CNTNAP2: variants seen among roughly 807,000 people sequenced by gnomAD.
The protein encoded by CNTNAP2 is contactin-associated protein-like 2.
Under a neutral mutation model 155.2 loss-of-function variants are expected in CNTNAP2, and 98 were observed. The observed-to-expected ratio is 0.63, with a 90% CI of 0.54 to 0.75. The LOEUF is 0.75. Ranked by LOEUF, CNTNAP2 falls within the 30% of genes least tolerant of loss-of-function variation. The pLI is 0.00. For synonymous variants in CNTNAP2, 651 were observed against 631.2 expected (o/e 1.03, Z -0.47); for missense variants, 1,727 against 1,688.1 (o/e 1.02, Z -0.40).
intron 1 of CNTNAP2, among the ~76,000 whole-genome samples, chr7:146,189,579 A>T (rs979560606): frequency 5.3e-5 from 8 of 152,212 alleles, no homozygotes; most frequent in South Asian, 4.1e-4. Context: ...TGCACAAAGC[A>T]GTTTAAAATT....
intron 1 of CNTNAP2, among the ~76,000 whole-genome samples, chr7:146,399,231 A>G (rs1394711349): frequency 6.6e-6 from 1 of 152,180 alleles, no homozygotes; most frequent in Non-Finnish European, 1.5e-5. Flanking sequence ...ACATTTTATT[A>G]ACTATAATTA....
chr7:147,440,708 C>T (rs939969190), intron 10 of CNTNAP2, among the ~76,000 whole-genome samples: 9 of 152,042 alleles, frequency 5.9e-5, no homozygotes, highest in Non-Finnish European at 1.2e-4. Flanking sequence ...TTCTTCTTCA[C>T]GTTCGAAGGA....
intron 1 of CNTNAP2, among the ~76,000 whole-genome samples, chr7:146,528,877 C>A (rs1314171652): frequency 6.6e-6 from 1 of 151,870 alleles, no homozygotes. Flanking sequence ...TATCACACTG[C>A]AGTTACAGAA....
intron 13 of CNTNAP2, among the ~76,000 whole-genome samples, chr7:147,792,471 A>G (rs1225215737): frequency 2.0e-5 from 3 of 151,836 alleles, no homozygotes; most frequent in East Asian, 1.9e-4. Context: ...ACTTAGCATA[A>G]TGTTTTTGAA....
At chr7:147,244,035 G>A (rs1391020782) in intron 8 of CNTNAP2, among the ~76,000 whole-genome samples, 2 of 152,132 alleles carry the variant, frequency 1.3e-5, no homozygotes, top group Non-Finnish European at 2.9e-5. Context: ...TCTGCCTGAG[G>A]TGGAGGTGGG....
At chr7:146,810,299 CTT>C (rs58947235) in intron 2 of CNTNAP2, among the ~76,000 whole-genome samples, 72 of 93,512 alleles carry the variant, frequency 7.7e-4, no homozygotes, top group African/African-American at 1.4e-3. Context: ...CTCTAGCTTT[CTT>C]TTTTTTTTTT....
intron 1 of CNTNAP2, among the ~76,000 whole-genome samples, chr7:146,471,583 G>A (rs1458978945): frequency 2.0e-5 from 3 of 152,218 alleles, no homozygotes; most frequent in Non-Finnish European, 4.4e-5. Context: ...CCAGCATAAT[G>A]AATGCCTCAC....
At chr7:146,298,520 T>C (rs115853850) in intron 1 of CNTNAP2, among the ~76,000 whole-genome samples, 4,581 of 152,254 alleles carry the variant, frequency 0.03, 107 homozygotes, top group African/African-American at 0.064. Flanking sequence ...CAAGGCAATT[T>C]TGCCTAAATT....
chr7:146,418,398 A>G (rs1196181911), intron 1 of CNTNAP2, among the ~76,000 whole-genome samples: 1 of 152,208 alleles, frequency 6.6e-6, no homozygotes, highest in Non-Finnish European at 1.5e-5. Context: ...ATTTTTAAAT[A>G]GAAAAGGTAG....
chr7:147,246,508 T>C (rs1322058284), intron 8 of CNTNAP2, among the ~76,000 whole-genome samples: 1 of 152,176 alleles, frequency 6.6e-6, no homozygotes, highest in Non-Finnish European at 1.5e-5. Context: ...GAGAGTTGTC[T>C]TTTTGCTGTG....
At chr7:147,177,298 T>C (rs1451957830) in intron 8 of CNTNAP2, among the ~76,000 whole-genome samples, 3 of 152,072 alleles carry the variant, frequency 2.0e-5, no homozygotes, top group African/African-American at 7.2e-5. Context: ...AATTAAATGA[T>C]GGGAGCGGTT....
At chr7:146,741,126 G>T (rs1222460141) in intron 1 of CNTNAP2, among the ~76,000 whole-genome samples, 1 of 152,090 alleles carries the variant, frequency 6.6e-6, no homozygotes, top group East Asian at 1.9e-4. Flanking sequence ...TGCTGCCTGG[G>T]GTTGGGAGAG....
chr7:147,913,831 T>C (rs11561916), intron 14 of CNTNAP2, among the ~76,000 whole-genome samples: 30,932 of 152,136 alleles, frequency 0.2, 3,517 homozygotes, highest in Middle Eastern at 0.29. Context: ...CCAAGCAAGC[T>C]GAGCATCATT....
chr7:147,056,392 C>T (rs1322889872), intron 4 of CNTNAP2, among the ~76,000 whole-genome samples: 2 of 152,238 alleles, frequency 1.3e-5, no homozygotes, highest in Middle Eastern at 3.4e-3. Flanking sequence ...AACCCTCTTT[C>T]CCATGGCATT....
At chr7:146,547,002 A>T (rs898416839) in intron 1 of CNTNAP2, among the ~76,000 whole-genome samples, 32 of 151,940 alleles carry the variant, frequency 2.1e-4, no homozygotes, top group African/African-American at 7.7e-4. Context: ...CCTGAAGAAG[A>T]GAGGGAGACA....
chr7:148,190,222 C>A (rs1441354083), intron 18 of CNTNAP2: 1 of 152,244 alleles, frequency 6.6e-6, no homozygotes, highest in Admixed American at 6.5e-5. Context: ...CCCAGGAAAG[C>A]AGTCAACTGC....
chr7:147,842,430 T>G (rs1406196256), intron 13 of CNTNAP2, among the ~76,000 whole-genome samples: 1 of 152,168 alleles, frequency 6.6e-6, no homozygotes, highest in Non-Finnish European at 1.5e-5. Context: ...TTTAATTCCA[T>G]GTATTTTAAG....
At chr7:146,894,836 T>C (rs1795844406) in intron 3 of CNTNAP2, among the ~76,000 whole-genome samples, 1 of 152,206 alleles carries the variant, frequency 6.6e-6, no homozygotes, top group Admixed American at 6.6e-5. Context: ...TGTTTGCTGA[T>C]GGCCGACCTT....
intron 13 of CNTNAP2, among the ~76,000 whole-genome samples, chr7:147,690,635 A>G (rs1232432613): frequency 6.6e-6 from 1 of 152,180 alleles, no homozygotes; most frequent in Non-Finnish European, 1.5e-5. Context: ...GATCAAGGAG[A>G]GCAAATAGAT....
Sources: gnomAD v4.1 joint callset for allele counts (sites outside exome capture counted in the v4.1 genomes callset) on GRCh38, gnomAD v4.1.1 for gene constraint, MANE v1.5 for transcripts, NCBI Gene and HGNC (gene_info 2026-07-23, HGNC 2026-07-21) for gene names.